CAMK2D: variants seen among roughly 807,000 people sequenced by gnomAD.
CAMK2D encodes the protein calcium/calmodulin-dependent protein kinase type II subunit delta.
A neutral mutation model predicts 84.0 loss-of-function variants in CAMK2D; 37 were observed. The ratio of observed to expected loss-of-function variants is 0.44; its 90% CI spans 0.34 to 0.58. CAMK2D has a LOEUF of 0.58. CAMK2D is among the 20% of genes least tolerant of loss of function. CAMK2D has a pLI of 0.02. For synonymous variants in CAMK2D, 202 were observed against 212.5 expected, an observed-to-expected ratio of 0.95 and a Z score of 0.43; for missense variants, 448 against 652.5, an observed-to-expected ratio of 0.69 and a Z score of 3.41.
At chr4:113,636,067 T>C (rs539875771) in intron 3 of CAMK2D, among the ~76,000 whole-genome samples, 6 of 152,234 alleles carry the variant, frequency 3.9e-5, no homozygotes, top group Admixed American at 3.9e-4. Context: ...AATGACGTCT[T>C]TGGCATCTCC....
At chr4:113,603,773 T>TTATATATATA (rs139576985) in intron 4 of CAMK2D, among the ~76,000 whole-genome samples, 2,137 of 127,772 alleles carry the variant, frequency 0.017, 63 homozygotes, top group African/African-American at 0.054. Flanking sequence ...TCTTGCTATT[T>TTATATATATA]TATATATATA....
intron 3 of CAMK2D, among the ~76,000 whole-genome samples, chr4:113,636,937 C>T (rs2154291259): frequency 6.6e-6 from 1 of 152,166 alleles, no homozygotes; most frequent in South Asian, 2.1e-4. Flanking sequence ...ACTTCCAGTC[C>T]CCTCACTCCA....
At chr4:113,622,892 T>C (rs73841797) in intron 3 of CAMK2D, among the ~76,000 whole-genome samples, 6,220 of 152,288 alleles carry the variant, frequency 0.041, 437 homozygotes, top group African/African-American at 0.14. Flanking sequence ...CTAGAATAGG[T>C]ATCTTTATTT....
chr4:113,599,252 G>A (rs1460228338), intron 4 of CAMK2D, among the ~76,000 whole-genome samples: 3 of 152,148 alleles, frequency 2.0e-5, no homozygotes, highest in South Asian at 4.1e-4. Flanking sequence ...ATGCAAAATG[G>A]TATAGCCACT....
intron 2 of CAMK2D, among the ~76,000 whole-genome samples, chr4:113,704,103 A>C (rs1238663432): frequency 6.6e-6 from 1 of 152,062 alleles, no homozygotes; most frequent in Non-Finnish European, 1.5e-5. Flanking sequence ...AAAAAGAATC[A>C]CAGGGCCTTC....
chr4:113,643,703 C>T (rs957909035), intron 3 of CAMK2D, among the ~76,000 whole-genome samples: 6 of 152,232 alleles, frequency 3.9e-5, no homozygotes, highest in African/African-American at 1.4e-4. Flanking sequence ...TCCCACCGAC[C>T]ATCTTGATAA....
rs375049388 is a variant in CAMK2D at position 113,512,110 on chromosome 4, G to C, written c.946+1218C>G. 3.9e-5 allele frequency among the ~76,000 whole-genome samples: 6 copies of C among 152,200 alleles called. No homozygotes were observed. In the East Asian group the frequency reaches 7.7e-4, roughly 20 times the overall value. On this transcript the variant is annotated intron_variant, in intron 12 of 20. Transcript: ENST00000511664. ...AAACTGTATCCAAACTAAACTGGTA[G>C]TATTTTTGGCTGACAAGTGTTCCAA...
At chr4:113,519,112 G>A (rs1441092635) in intron 8 of CAMK2D, among the ~76,000 whole-genome samples, 2 of 152,148 alleles carry the variant, frequency 1.3e-5, no homozygotes, top group African/African-American at 4.8e-5. Context: ...TAGAAAAAAA[G>A]CTGTACCTGA....
chr4:113,581,311 C>T (rs543825919), intron 4 of CAMK2D, among the ~76,000 whole-genome samples: 13 of 151,856 alleles, frequency 8.6e-5, no homozygotes, highest in African/African-American at 2.2e-4. Flanking sequence ...GTCAGGAGTT[C>T]GAGACCAGCC....
Position 113,454,407 on chromosome 4 carries a change from A to G in CAMK2D, c.*138T>C. 5.4e-6 allele frequency: 4 copies of G among 740,258 alleles called. No individual in the cohort carries two copies. The East Asian group carries it at 9.9e-5, about 18-fold the overall frequency. The allele number at this position is 740,258 out of a possible 1,614,324, so 45.9% of individuals were successfully genotyped here. ...TATGCATTACATGTAGGACCTTCAC[A>G]ACTTCATGCACTCAGAAACATGCAT... On this transcript the variant is annotated 3_prime_UTR_variant, in exon 21 of 21. Coordinates refer to ENST00000511664, the MANE Select transcript of CAMK2D (RefSeq NM_001321571.2).
At chr4:113,679,408 C>A (rs2099331296) in intron 2 of CAMK2D, 10 of 951,974 alleles carry the variant, frequency 1.1e-5, no homozygotes, top group Non-Finnish European at 1.3e-5. Flanking sequence ...CTTGCCTCTC[C>A]CCAGCCATTT....
intron 4 of CAMK2D, among the ~76,000 whole-genome samples, chr4:113,592,901 TG>T (rs1331310998): frequency 6.6e-6 from 1 of 152,194 alleles, no homozygotes; most frequent in African/African-American, 2.4e-5. Flanking sequence ...CTACCCAGGC[TG>T]GAGTGCAGTG....
chr4:113,568,728 C>T (rs2098737903), intron 4 of CAMK2D, among the ~76,000 whole-genome samples: 1 of 152,058 alleles, frequency 6.6e-6, no homozygotes, highest in Admixed American at 6.5e-5. Context: ...ATATCCTGGC[C>T]AACACTTGTT....
At chr4:113,686,161 C>T (rs78489673) in intron 2 of CAMK2D, among the ~76,000 whole-genome samples, 3,554 of 151,622 alleles carry the variant, frequency 0.023, 63 homozygotes, top group East Asian at 0.077. Context: ...GCTATTAAAA[C>T]TTAATTTTTA....
At chr4:113,717,131 C>G (rs1294650237) in intron 2 of CAMK2D, among the ~76,000 whole-genome samples, 1 of 152,030 alleles carries the variant, frequency 6.6e-6, no homozygotes, top group Non-Finnish European at 1.5e-5. Context: ...TTTTTTCTGT[C>G]CCTCTCAGAA....
intron 4 of CAMK2D, among the ~76,000 whole-genome samples, chr4:113,557,141 C>T (rs2098670434): frequency 6.6e-6 from 1 of 152,130 alleles, no homozygotes; most frequent in Non-Finnish European, 1.5e-5. Flanking sequence ...TGTCACCAGC[C>T]TAAGTCTCTG....
intron 16 of CAMK2D, among the ~76,000 whole-genome samples, chr4:113,483,017 A>G (rs1237408628): frequency 1.3e-5 from 2 of 152,248 alleles, no homozygotes; most frequent in African/African-American, 4.8e-5. Context: ...ATTTTAAAAG[A>G]AATAAAGACA....
chr4:113,635,946 C>G (rs1027015733), intron 3 of CAMK2D, among the ~76,000 whole-genome samples: 2 of 152,164 alleles, frequency 1.3e-5, no homozygotes, highest in African/African-American at 2.4e-5. Flanking sequence ...GGTTGGTTCT[C>G]AAGTCATACT....
At chr4:113,740,245 G>A (rs2099589673) in intron 2 of CAMK2D, among the ~76,000 whole-genome samples, 1 of 152,046 alleles carries the variant, frequency 6.6e-6, no homozygotes, top group South Asian at 2.1e-4. Flanking sequence ...ACAAAAGGTA[G>A]AAACAATCCA....
Sources: allele counts gnomAD v4.1 joint callset (sites outside exome capture counted in the v4.1 genomes callset), GRCh38; gene constraint gnomAD v4.1.1; transcripts MANE v1.5; gene names NCBI Gene and HGNC (gene_info 2026-07-23, HGNC 2026-07-21).